CSMD1: variants seen among roughly 807,000 people sequenced by gnomAD.
CSMD1 encodes the protein CUB and Sushi multiple domains 1, also known as CUB and sushi domain-containing protein 1.
CSMD1 carries 213 observed loss-of-function variants against 417.5 expected under a neutral mutation model. The ratio of observed to expected loss-of-function variants is 0.51; its 90% CI spans 0.46 to 0.57. The LOEUF is 0.57. Ranked by LOEUF, CSMD1 falls within the 20% of genes least tolerant of loss-of-function variation. The probability of loss-of-function intolerance (pLI) is 0.00; values close to 1 mark genes in which losing one functional copy is unlikely to be tolerated. For synonymous variants in CSMD1, 2,862 were observed against 1,736.8 expected (o/e 1.65, Z -16.11); for missense variants, 6,923 against 4,529.7 (o/e 1.53, Z -15.17).
At chr8:4,760,127 T>A (rs549261390) in intron 1 of CSMD1, among the ~76,000 whole-genome samples, 15 of 152,302 alleles carry the variant, frequency 9.8e-5, no homozygotes, top group African/African-American at 3.4e-4. Context: ...GATCTAAGCA[T>A]CTTAATGGCT....
At chr8:4,354,772 C>T (rs546497993) in intron 3 of CSMD1, among the ~76,000 whole-genome samples, 4 of 152,026 alleles carry the variant, frequency 2.6e-5, no homozygotes, top group Admixed American at 6.6e-5. Flanking sequence ...GATTTCCCCC[C>T]TCCCAGAAAA....
At chr8:4,689,773 G>T (rs1205472598) in intron 1 of CSMD1, among the ~76,000 whole-genome samples, 1 of 152,098 alleles carries the variant, frequency 6.6e-6, no homozygotes, top group Non-Finnish European at 1.5e-5. Context: ...TTAAAATGAT[G>T]GTGGTTTAGG....
chr8:3,529,874 G>A (rs565127446), intron 10 of CSMD1, among the ~76,000 whole-genome samples: 2 of 152,280 alleles, frequency 1.3e-5, no homozygotes, highest in Admixed American at 6.5e-5. Context: ...TAGCAAGAGA[G>A]AAGCAGGGCA....
At chr8:4,373,027 C>T (rs1023705469) in intron 3 of CSMD1, among the ~76,000 whole-genome samples, 1 of 152,154 alleles carries the variant, frequency 6.6e-6, no homozygotes, top group African/African-American at 2.4e-5. Context: ...AGTGATGATT[C>T]GGGCTCACAG....
intron 1 of CSMD1, among the ~76,000 whole-genome samples, chr8:4,753,997 G>C (rs1292219509): frequency 6.6e-6 from 1 of 152,120 alleles, no homozygotes; most frequent in African/African-American, 2.4e-5. Context: ...AGTAAAAATA[G>C]TCTGCCCAGC....
chr8:4,809,412 A>C (rs1673047455), intron 1 of CSMD1, among the ~76,000 whole-genome samples: 1 of 152,214 alleles, frequency 6.6e-6, no homozygotes, highest in Non-Finnish European at 1.5e-5. Flanking sequence ...AAGGAGTATA[A>C]GTTAAATTTC....
At chr8:3,100,442 G>A (rs75407507) in intron 46 of CSMD1, among the ~76,000 whole-genome samples, 3,840 of 152,306 alleles carry the variant, frequency 0.025, 140 homozygotes, top group East Asian at 0.18. Context: ...GTTGCTTAGA[G>A]CAATACTCAG....
At chr8:4,008,070 A>G (rs549635327) in intron 4 of CSMD1, among the ~76,000 whole-genome samples, 2 of 152,326 alleles carry the variant, frequency 1.3e-5, no homozygotes, top group East Asian at 3.9e-4. Context: ...CCACAAGTCC[A>G]GGAGGTTTTT....
At chr8:3,325,017 T>A (rs765161183) in intron 23 of CSMD1, among the ~76,000 whole-genome samples, 26 of 152,206 alleles carry the variant, frequency 1.7e-4, no homozygotes, top group Non-Finnish European at 3.1e-4. Context: ...ACAAATAGGC[T>A]TCAAATGTTT....
chr8:3,209,242 C>A (rs946602416), intron 30 of CSMD1, among the ~76,000 whole-genome samples: 7 of 152,046 alleles, frequency 4.6e-5, no homozygotes, highest in African/African-American at 1.7e-4. Flanking sequence ...ACATGAACAA[C>A]ATTTGTGTTA....
At chr8:4,049,110 C>A (rs1469644030) in intron 3 of CSMD1, among the ~76,000 whole-genome samples, 1 of 152,136 alleles carries the variant, frequency 6.6e-6, no homozygotes, top group Non-Finnish European at 1.5e-5. Flanking sequence ...GCTCTCTCCA[C>A]ATTCTTTTAT....
At chr8:3,861,251 A>G (rs1021329483) in intron 5 of CSMD1, among the ~76,000 whole-genome samples, 3 of 152,204 alleles carry the variant, frequency 2.0e-5, no homozygotes, top group Admixed American at 2.0e-4. Context: ...ACGGAGACCA[A>G]CGTACTATGT....
At chr8:4,371,178 C>G (rs941136913) in intron 3 of CSMD1, among the ~76,000 whole-genome samples, 1 of 152,008 alleles carries the variant, frequency 6.6e-6, no homozygotes, top group African/African-American at 2.4e-5. Flanking sequence ...TTTCTGGATA[C>G]TTTAGGGGTC....
At chr8:4,648,478 C>G (rs550171161) in intron 1 of CSMD1, among the ~76,000 whole-genome samples, 2 of 152,280 alleles carry the variant, frequency 1.3e-5, no homozygotes, top group South Asian at 2.1e-4. Flanking sequence ...ACACACCATG[C>G]ATGCATGCAC....
At chr8:3,802,593 T>C (rs923207257) in intron 5 of CSMD1, among the ~76,000 whole-genome samples, 8 of 152,314 alleles carry the variant, frequency 5.3e-5, no homozygotes, top group South Asian at 2.1e-4. Context: ...TATTGCAGGA[T>C]GTAATTCACC....
chr8:4,426,123 C>T (rs898081905), intron 2 of CSMD1, among the ~76,000 whole-genome samples: 1 of 150,640 alleles, frequency 6.6e-6, no homozygotes, highest in Admixed American at 6.6e-5. Flanking sequence ...ATGGATGTGA[C>T]AGAGAGACTG....
chr8:4,860,653 G>A (rs1802076560), intron 1 of CSMD1, among the ~76,000 whole-genome samples: 1 of 152,020 alleles, frequency 6.6e-6, no homozygotes, highest in African/African-American at 2.4e-5. Flanking sequence ...TGCTAATACA[G>A]CCTAACACAC....
Position 3,574,980 on chromosome 8 carries a change from A to T in CSMD1, c.1309T>A (p.Cys437Ser). The stretch of plus-strand genomic sequence containing the variant: ...TCGGTGGTGGTGATGACCCACACAC[A>T]GTGTGCATTATCTTCATACTGAACC... ...YPVQYEDNAHCVWVITTTDPD... is the reference protein window; with the variant it reads ...YPVQYEDNAHSVWVITTTDPD... Residue 437 changes from cysteine (C) to serine (S), a missense_variant, in exon 10 of 70, where the codon TGT (cysteine) becomes AGT (serine). Physicochemically the swap from Cys to Ser is moderately radical, Grantham distance 112. Coordinates refer to ENST00000635120, the MANE Select transcript of CSMD1 (RefSeq NM_033225.6). 1 of 1,612,634 alleles carries T rather than the reference A, an allele frequency of 6.2e-7. No individual in the cohort carries two copies. The highest frequency in any genetic ancestry group is 8.5e-7 in the Non-Finnish European group (1 of 1,179,552).
chr8:3,098,381 A>G (rs1229058092), intron 46 of CSMD1, among the ~76,000 whole-genome samples: 1 of 152,232 alleles, frequency 6.6e-6, no homozygotes, highest in Admixed American at 6.5e-5. Context: ...TGCCTTTTGA[A>G]AAGTAATTTA....
Sources: gnomAD v4.1 joint callset for allele counts (sites outside exome capture counted in the v4.1 genomes callset) on GRCh38, gnomAD v4.1.1 for gene constraint, MANE v1.5 for transcripts, NCBI Gene and HGNC (gene_info 2026-07-23, HGNC 2026-07-21) for gene names.